Variants in RIN2 observed in about 807,000 individuals in gnomAD.
RIN2 encodes RAB5 interacting protein 2.
A neutral mutation model predicts 78.0 loss-of-function variants in RIN2; 36 were observed. The ratio of observed to expected loss-of-function variants is 0.46; its 90% CI spans 0.35 to 0.61. RIN2 has a LOEUF of 0.61. Ranked by LOEUF, RIN2 falls within the 20% of genes least tolerant of loss-of-function variation. The pLI, the probability that RIN2 is intolerant of heterozygous loss-of-function variation, is 0.00. For synonymous variants in RIN2, 466 were observed against 466.8 expected (o/e 1.00, Z 0.02); for missense variants, 1,087 against 1,159.7 (o/e 0.94, Z 0.91).
At chr20:19,798,610 A>G (rs1216882181) in intron 1 of RIN2, among the ~76,000 whole-genome samples, 1 of 152,092 alleles carries the variant, frequency 6.6e-6, no homozygotes, top group Admixed American at 6.6e-5. Context: ...TTTAGAAAAG[A>G]AACACATATA....
chr20:19,937,376 C>T (rs2040690601), intron 4 of RIN2, among the ~76,000 whole-genome samples: 1 of 152,214 alleles, frequency 6.6e-6, no homozygotes. Flanking sequence ...CTCTGCACGT[C>T]TGACGGCTGC....
chr20:19,935,017 G>A, intron 3 of RIN2, 82 bp from the exon 4 acceptor site: 1 of 944,246 alleles, frequency 1.1e-6, no homozygotes, highest in Non-Finnish European at 1.7e-6. Context: ...TGTTCCTATT[G>A]AAAAGCCTGA....
At position 19,844,692 on chromosome 20, in the gene RIN2, C is replaced by CT. The variant is rs1555832328; in HGVS notation, c.-36-44873dup. Among the ~76,000 whole-genome samples, 111 of 117,678 alleles carry CT rather than the reference C, an allele frequency of 9.4e-4. 1 individual carries two copies. In the East Asian group the frequency reaches 9.8e-3, roughly 10 times the overall value. The allele number at this position is 117,678 out of a possible 152,430, so 77.2% of individuals were successfully genotyped here. ...TTCCTTCTTCTTCTTCTTCCTCTTC[C>CT]TCTTCCTCTTCTTCTTCTTCTTCTT... On this transcript the variant is annotated intron_variant, in intron 2 of 12. Coordinates refer to ENST00000255006, the MANE Select transcript of RIN2 (RefSeq NM_018993.4).
intron 2 of RIN2, among the ~76,000 whole-genome samples, chr20:19,866,428 G>A (rs564605433): frequency 6.6e-6 from 1 of 152,236 alleles, no homozygotes; most frequent in South Asian, 2.1e-4. Flanking sequence ...AAAGAAAAAG[G>A]ATATATGATA....
At chr20:19,926,351 A>C (rs1327825795) in intron 3 of RIN2, among the ~76,000 whole-genome samples, 1 of 152,182 alleles carries the variant, frequency 6.6e-6, no homozygotes, top group African/African-American at 2.4e-5. Flanking sequence ...AAAGAAAAGA[A>C]GCAATGTTCT....
intron 12 of RIN2, among the ~76,000 whole-genome samples, chr20:19,999,165 CGGT>C (rs2043063651): frequency 6.6e-6 from 1 of 152,048 alleles, no homozygotes; most frequent in Admixed American, 6.6e-5. Context: ...GTGGTAAAGG[CGGT>C]GGGGCTGCAT....
In RIN2 at chr20:19,824,967, C is replaced by T. The variant is rs567327003; in HGVS notation, c.-37+25220C>T. 4.6e-5 allele frequency among the ~76,000 whole-genome samples: 7 copies of T among 152,258 alleles called. No homozygotes were observed. The South Asian group carries it at 1.0e-3, about 23-fold the overall frequency. ...CTTCTCCAAGGCCTGCTCGAGGCCA[C>T]GAGAACCTCTTCACCCAGGACACAC... On this transcript the variant is annotated intron_variant, in intron 2 of 12. Transcript: ENST00000255006.
At chr20:19,843,592 C>T (rs1165700731) in intron 2 of RIN2, among the ~76,000 whole-genome samples, 2 of 152,172 alleles carry the variant, frequency 1.3e-5, no homozygotes, top group African/African-American at 4.8e-5. Context: ...AGAGTCTAAA[C>T]ATAACTTCTA....
intron 1 of RIN2, among the ~76,000 whole-genome samples, chr20:19,787,153 T>C (rs2034704717): frequency 6.6e-6 from 1 of 152,076 alleles, no homozygotes; most frequent in Non-Finnish European, 1.5e-5. Flanking sequence ...CTGGGCACAG[T>C]GGCTCATACC....
At chr20:19,758,434 T>G (rs1337184752) in intron 1 of RIN2, 107 bp downstream of exon 1, 1 of 152,164 alleles carries the variant, frequency 6.6e-6, no homozygotes, top group African/African-American at 2.4e-5. Flanking sequence ...ACGTGGGTGC[T>G]GCTGTGCGCA....
chr20:19,805,483 C>G (rs2035379640), intron 2 of RIN2, among the ~76,000 whole-genome samples: 1 of 152,152 alleles, frequency 6.6e-6, no homozygotes, highest in African/African-American at 2.4e-5. Flanking sequence ...CTCACTGCAA[C>G]CTCCACCTCC....
intron 4 of RIN2, among the ~76,000 whole-genome samples, chr20:19,952,131 G>A (rs980492749): frequency 6.6e-6 from 1 of 152,194 alleles, no homozygotes; most frequent in African/African-American, 2.4e-5. Flanking sequence ...TCAGCAGCGT[G>A]AATAGCCCCC....
At chr20:19,914,646 G>A (rs2039612240) in intron 3 of RIN2, among the ~76,000 whole-genome samples, 1 of 152,164 alleles carries the variant, frequency 6.6e-6, no homozygotes, top group Non-Finnish European at 1.5e-5. Flanking sequence ...TGGTCTTGTG[G>A]TTGGGGCTCT....
At chr20:19,802,356 C>T (rs1157768062) in intron 2 of RIN2, among the ~76,000 whole-genome samples, 1 of 151,934 alleles carries the variant, frequency 6.6e-6, no homozygotes. Context: ...ATGGCCAGGC[C>T]AGGTGTGGTG....
intron 1 of RIN2, among the ~76,000 whole-genome samples, chr20:19,789,728 T>C (rs1010021523): frequency 6.6e-6 from 1 of 152,184 alleles, no homozygotes; most frequent in African/African-American, 2.4e-5. Flanking sequence ...TGTGCTTCAG[T>C]CCCCTCTATG....
chr20:19,956,776 C>A lies in RIN2; in HGVS notation c.320C>A (p.Ala107Glu), dbSNP rs764663659. The change falls in exon 5 of 13, where the codon GCA (alanine) becomes GAA (glutamate). Residue 107 changes from alanine (A) to glutamate (E), a missense_variant. Coordinates refer to ENST00000255006, the MANE Select transcript of RIN2 (RefSeq NM_018993.4). ...CAGCTGAGTCTGAGTGAGGAGGAGG[C>A]AGCAGAGGTCCTGCAGGCCCAGCCT... is the stretch of plus-strand genomic sequence containing the variant. Reference protein sequence around the residue: ...WLQLSLSEEEAAEVLQAQPPG... With the variant: ...WLQLSLSEEEEAEVLQAQPPG... 6.3e-7 allele frequency: 1 copy of A among 1,597,198 alleles called. No homozygotes were observed. The highest frequency in any genetic ancestry group is 2.3e-5 in the East Asian group (1 of 44,200).
At chr20:19,948,375 A>C (rs2041180245) in intron 4 of RIN2, among the ~76,000 whole-genome samples, 1 of 152,214 alleles carries the variant, frequency 6.6e-6, no homozygotes, top group Non-Finnish European at 1.5e-5. Context: ...AGTCTGCTAT[A>C]GACTGGAAAA....
chr20:19,954,693 GCCCT>G (rs1568656717), intron 4 of RIN2, among the ~76,000 whole-genome samples: 17 of 100,918 alleles, frequency 1.7e-4, no homozygotes, highest in African/African-American at 3.6e-4. Flanking sequence ...GATACAAACT[GCCCT>G]GTGCCCCTCA....
At chr20:19,956,935 C>G in intron 5 of RIN2, 128 bp downstream of exon 5, 1 of 772,716 alleles carries the variant, frequency 1.3e-6, no homozygotes, top group East Asian at 2.7e-5. Flanking sequence ...TGATGTGTAA[C>G]TGGTTTTCAA....
Sources: gnomAD v4.1 joint callset for allele counts (sites outside exome capture counted in the v4.1 genomes callset) on GRCh38, gnomAD v4.1.1 for gene constraint, MANE v1.5 for transcripts, NCBI Gene and HGNC (gene_info 2026-07-23, HGNC 2026-07-21) for gene names.